Variants in USP7 observed in about 807,000 individuals in gnomAD.
USP7 encodes ubiquitin specific peptidase 7.
USP7 carries 9 observed loss-of-function variants against 162.9 expected under a neutral mutation model. The observed-to-expected ratio is 0.06, with a 90% CI of 0.03 to 0.10. The LOEUF is 0.10. Ranked by LOEUF, USP7 falls within the 10% of genes least tolerant of loss-of-function variation. The probability of loss-of-function intolerance (pLI) is 1.00; values close to 1 mark genes in which losing one functional copy is unlikely to be tolerated. For missense variants in USP7, 715 were observed against 1,373.7 expected, an observed-to-expected ratio of 0.52 and a Z score of 7.58; for synonymous variants, 562 against 475.9, an observed-to-expected ratio of 1.18 and a Z score of -2.35.
chr16:8,963,145 G>T (rs1900088960), intron 1 of USP7, 62 bp downstream of exon 1: 3 of 1,323,966 alleles, frequency 2.3e-6, no homozygotes, highest in Non-Finnish European at 9.8e-7. Context: ...GGCTCCCGCG[G>T]CTCCCCCGGC....
At chr16:8,929,905 C>A (rs1244624783) in intron 2 of USP7, among the ~76,000 whole-genome samples, 1 of 152,150 alleles carries the variant, frequency 6.6e-6, no homozygotes, top group Non-Finnish European at 1.5e-5. Flanking sequence ...CTGATATACA[C>A]CCTGCAATGA....
intron 3 of USP7, 44 bp downstream of exon 3, chr16:8,923,171 T>C (rs1264954393): frequency 1.6e-4 from 7 of 42,688 alleles, no homozygotes; most frequent in Non-Finnish European, 2.1e-4. Context: ...AAAATTGCAC[T>C]AGGCTGATCA....
chr16:8,928,616 C>T (rs1670371280), intron 2 of USP7, among the ~76,000 whole-genome samples: 1 of 152,162 alleles, frequency 6.6e-6, no homozygotes, highest in African/African-American at 2.4e-5. Flanking sequence ...CCACCTCCCT[C>T]CCACGCACTT....
chr16:8,932,354 C>A (rs74010322), intron 1 of USP7, among the ~76,000 whole-genome samples: 1,900 of 152,166 alleles, frequency 0.012, 43 homozygotes, highest in African/African-American at 0.043. Flanking sequence ...CTGCTTGAGC[C>A]CAGGAGTTTG....
In USP7 at chr16:8,923,199, T is replaced by C; in HGVS notation, c.383+16A>G. The C allele has an allele frequency of 1.6e-5, 2 of 121,400 alleles. No homozygotes were observed. The highest frequency in any genetic ancestry group is 2.9e-5 in the Non-Finnish European group (2 of 69,254). The allele number at this position is 121,400 out of a possible 1,614,324, so 7.5% of individuals were successfully genotyped here. ...GCTGATCAAATTTGGCTTCCAGTAA[T>C]GAAATACTGTCTTACGTGGAATCAG... On this transcript the variant is annotated intron_variant, in intron 3 of 30. Transcript: ENST00000344836.
At chr16:8,922,326 GA>G in intron 3 of USP7, among the ~76,000 whole-genome samples, 1 of 152,260 alleles carries the variant, frequency 6.6e-6, no homozygotes, top group East Asian at 1.9e-4. Context: ...CCGTCCCTAT[GA>G]AAAATACAAA....
chr16:8,913,690 G>A (rs1425341531), intron 10 of USP7, among the ~76,000 whole-genome samples: 2 of 152,010 alleles, frequency 1.3e-5, no homozygotes, highest in African/African-American at 4.8e-5. Context: ...AAAAACGGAG[G>A]AGCATTGCAA....
intron 2 of USP7, among the ~76,000 whole-genome samples, chr16:8,927,266 G>A (rs559303703): frequency 6.7e-6 from 1 of 149,758 alleles, no homozygotes; most frequent in African/African-American, 2.5e-5. Flanking sequence ...AGGGTGAGGT[G>A]AACCGAGATT....
intron 3 of USP7, among the ~76,000 whole-genome samples, chr16:8,921,522 T>G (rs186923080): frequency 6.6e-6 from 1 of 152,366 alleles, no homozygotes; most frequent in African/African-American, 2.4e-5. Flanking sequence ...TGGTTTCATT[T>G]TTTAATTCCT....
intron 10 of USP7, among the ~76,000 whole-genome samples, chr16:8,912,532 A>C (rs1229480595): frequency 6.6e-6 from 1 of 152,210 alleles, no homozygotes; most frequent in Non-Finnish European, 1.5e-5. Context: ...GATGAAGACA[A>C]CAATCCTTCA....
At position 8,963,255 on chromosome 16, in the gene USP7, T is replaced by TCTGCTGCTG. The variant is rs749570604; in HGVS notation, c.22_30dup (p.Gln8_Gln10dup). ...TCGCTCAACTGCTGCTCGCCCGCTT[T>TCTGCTGCTG]CTGCTGCTGCTGCTGCTGCTGGTGG... is the stretch of plus-strand genomic sequence containing the variant. On this transcript the variant is annotated inframe_insertion, in exon 1 of 31. Transcript: ENST00000344836. 1.5e-6 allele frequency: 2 copies of TCTGCTGCTG among 1,373,144 alleles called. No homozygotes were observed. The highest frequency in any genetic ancestry group is 1.5e-5 in the African/African-American group (1 of 65,420). 85.1% of individuals were successfully genotyped at this position (1,373,144 alleles called of 1,614,324 possible).
chr16:8,955,330 G>A (rs979275522), intron 1 of USP7, among the ~76,000 whole-genome samples: 4 of 152,130 alleles, frequency 2.6e-5, no homozygotes, highest in Non-Finnish European at 5.9e-5. Context: ...CTGTGGCCTC[G>A]ACCTCCAAGG....
chr16:8,950,667 G>A (rs1458009922), intron 1 of USP7, among the ~76,000 whole-genome samples: 1 of 152,176 alleles, frequency 6.6e-6, no homozygotes, highest in Non-Finnish European at 1.5e-5. Flanking sequence ...ACTGCTAATT[G>A]TCCAAGATTC....
chr16:8,893,718 C>A lies in USP7; in HGVS notation c.*280G>T. ...GAGCCAGGGACCCCCGATCCACTAACCTCTTCTCCCCCATTGCGCTGACAG... is the reference window on the plus strand; with the variant it reads ...GAGCCAGGGACCCCCGATCCACTAAACTCTTCTCCCCCATTGCGCTGACAG... On this transcript the variant is annotated 3_prime_UTR_variant, in exon 31 of 31. Coordinates refer to ENST00000344836, the MANE Select transcript of USP7 (RefSeq NM_003470.3). The A allele has an allele frequency of 2.7e-6, 1 of 376,294 alleles. No homozygotes were observed. The highest frequency in any genetic ancestry group is 5.1e-6 in the Non-Finnish European group (1 of 197,896). The allele number at this position is 376,294 out of a possible 1,614,324, so 23.3% of individuals were successfully genotyped here. A position where few individuals can be genotyped will look rare whatever the true frequency, so the allele number is the denominator to read the frequency against.
intron 1 of USP7, among the ~76,000 whole-genome samples, chr16:8,943,983 C>T (rs925470362): frequency 6.6e-6 from 1 of 151,876 alleles, no homozygotes; most frequent in African/African-American, 2.4e-5. Context: ...CTATAAGGTG[C>T]GGGGGAGGCA....
At chr16:8,942,090 CAACAGG>C (rs1283547089) in intron 1 of USP7, among the ~76,000 whole-genome samples, 1 of 152,212 alleles carries the variant, frequency 6.6e-6, no homozygotes, top group Non-Finnish European at 1.5e-5. Context: ...GAGCAAACCG[CAACAGG>C]AACAGGAACA....
intron 1 of USP7, among the ~76,000 whole-genome samples, chr16:8,958,156 G>A (rs1485114749): frequency 1.3e-5 from 2 of 152,218 alleles, no homozygotes; most frequent in Non-Finnish European, 2.9e-5. Context: ...CGGTGTAGAA[G>A]AGGCACCCCA....
intron 1 of USP7, among the ~76,000 whole-genome samples, chr16:8,961,441 G>A (rs1338216548): frequency 7.5e-6 from 1 of 133,836 alleles, no homozygotes; most frequent in Non-Finnish European, 1.6e-5. Flanking sequence ...GTAGTGACCC[G>A]AGATCGCGCC....
At chr16:8,910,890 G>A in intron 10 of USP7, 63 bp from the exon 11 acceptor site, 1 of 1,341,984 alleles carries the variant, frequency 7.5e-7, no homozygotes, top group Non-Finnish European at 1.1e-6. Context: ...GCCAACACAG[G>A]TGTAAGTTAT....
Sources: gnomAD v4.1 joint callset for allele counts (sites outside exome capture counted in the v4.1 genomes callset) on GRCh38, gnomAD v4.1.1 for gene constraint, MANE v1.5 for transcripts, NCBI Gene and HGNC (gene_info 2026-07-23, HGNC 2026-07-21) for gene names.